The following LRRC71 variants were observed in gnomAD, a reference collection of about 807,000 sequenced individuals.
LRRC71 encodes the protein leucine rich repeat containing 71.
LRRC71 carries 54 observed loss-of-function variants against 66.6 expected under a neutral mutation model. The observed-to-expected ratio is 0.81, with a 90% CI of 0.65 to 1.02. LRRC71 has a LOEUF of 1.02. LRRC71 is among the 50% of genes least tolerant of loss of function. LRRC71 has a pLI of 0.00. For synonymous variants in LRRC71, 323 were observed against 303.9 expected (o/e 1.06, Z -0.65); for missense variants, 724 against 718.0 (o/e 1.01, Z -0.10).
In LRRC71 at chr1:156,927,529, C is replaced by T. The variant is rs1441972953; in HGVS notation, c.696C>T (p.Ile232=). The T allele has an allele frequency of 1.3e-6, 2 of 1,549,486 alleles. No homozygotes were observed. Among genetic ancestry groups the T allele is most frequent in the African/African-American group, 1.4e-5 (1 of 73,050 alleles). Residue 232 remains isoleucine (I), a synonymous_variant, in exon 7 of 15, where the codon ATC becomes ATT. Transcript: ENST00000337428. ...IAHLSLRNNN[I]DDRGAQLLGQ... ...ACTTGTCTCTGCGGAACAATAACATCGACGACCGCGGGGCGCAACTCCTGG... is the reference window on the plus strand; with the variant it reads ...ACTTGTCTCTGCGGAACAATAACATTGACGACCGCGGGGCGCAACTCCTGG...
chr1:156,940,096 A>C, the LRRC71 span: 1 of 1,419,184 alleles, frequency 7.0e-7, no homozygotes, highest in African/African-American at 1.4e-5. Flanking sequence ...ATCTCTCCTC[A>C]AGCACACCAG....
chr1:156,932,642 CAAGG>C, intron 14 of LRRC71, 97 bp downstream of exon 14: 1 of 1,612,702 alleles, frequency 6.2e-7, no homozygotes, highest in Non-Finnish European at 8.5e-7. Flanking sequence ...TCCCCATTTC[CAAGG>C]AAGGTCTGTA....
Position 156,924,287 on chromosome 1 carries a change from G to A in LRRC71, c.311-137G>A, listed in dbSNP as rs1033784465. ...TTTCCAACCCAGCAGAGGCGCGAGTGGCCGGAGAGGCAGAGTCCGCAGGCC... is the reference window on the plus strand; with the variant it reads ...TTTCCAACCCAGCAGAGGCGCGAGTAGCCGGAGAGGCAGAGTCCGCAGGCC... On this transcript the variant is annotated intron_variant, in intron 2 of 14. Transcript: ENST00000337428. 25 of 1,335,760 alleles carry A rather than the reference G, an allele frequency of 1.9e-5. No individual in the cohort carries two copies. In the Admixed American group the frequency reaches 5.0e-4, roughly 27 times the overall value. 82.7% of individuals were successfully genotyped at this position (1,335,760 alleles called of 1,614,324 possible). A position where few individuals can be genotyped will look rare whatever the true frequency, so the allele number is the denominator to read the frequency against.
At chr1:156,929,793 T>C (rs958276893) in intron 11 of LRRC71, 64 bp downstream of exon 11, 1 of 1,392,846 alleles carries the variant, frequency 7.2e-7, no homozygotes, top group Non-Finnish European at 9.8e-7. Flanking sequence ...CCGGGCCGGG[T>C]GCAGGAAGCT....
At chr1:156,930,060 T>TTCTTTCTTTTTCTTTCTTTCTCTTTC (rs746194831) in intron 11 of LRRC71, among the ~76,000 whole-genome samples, 1 of 126,182 alleles carries the variant, frequency 7.9e-6, no homozygotes, top group Non-Finnish European at 1.6e-5. Context: ...CTTTCTTTCT[T>TTCTTTCTTTTTCTTTCTTTCTCTTTC]TTTCTTTCTT....
chr1:156,938,525 C>A, the LRRC71 span: 1 of 1,602,052 alleles, frequency 6.2e-7, no homozygotes. Flanking sequence ...TGCACCGACA[C>A]CACCACCACC....
At chr1:156,928,181 C>G (rs1429672704) in intron 9 of LRRC71, among the ~76,000 whole-genome samples, 177 bp downstream of exon 9, 3 of 152,208 alleles carry the variant, frequency 2.0e-5, no homozygotes, top group African/African-American at 7.2e-5. Context: ...TGGGGGGGCT[C>G]TAATTGCAGA....
chr1:156,923,959 G>C lies in LRRC71; in HGVS notation c.171G>C (p.Gln57His). ...EEEPKSPEEY[Q>H]CSGVLETDFA... ...TGCCTGCCCCCGCAGAGGAGTACCA[G>C]TGCTCCGGGGTCCTCGAGACCGACT... The change falls in exon 2 of 15, where the codon CAG (glutamine) becomes CAC (histidine). Residue 57 changes from glutamine to histidine, a missense_variant. By Grantham distance (24) the Gln-to-His change is conservative (BLOSUM62 0). Transcript: ENST00000337428. 1 of 1,518,688 alleles carries C rather than the reference G, an allele frequency of 6.6e-7. No individual in the cohort carries two copies. Among genetic ancestry groups the C allele is most frequent in the Non-Finnish European group, 8.9e-7 (1 of 1,129,912 alleles). The allele number at this position is 1,518,688 out of a possible 1,614,324, so 94.1% of individuals were successfully genotyped here.
chr1:156,936,940 C>A (rs369823751), downstream of LRRC71: 7 of 1,614,088 alleles, frequency 4.3e-6, no homozygotes, highest in East Asian at 2.2e-5. Context: ...TGCCCACAGG[C>A]GTGGTGCCAC....
chr1:156,930,044 C>CTTCT (rs1553189668), intron 11 of LRRC71, among the ~76,000 whole-genome samples: 1 of 127,906 alleles, frequency 7.8e-6, no homozygotes, highest in Non-Finnish European at 1.6e-5. Context: ...TTCTTTCTTT[C>CTTCT]TCTTTCTTTC....
rs547348103 is a variant in LRRC71 at position 156,927,665 on chromosome 1, C to T, written c.822+10C>T. 6.3e-5 allele frequency: 101 copies of T among 1,606,472 alleles called. No homozygotes were observed. The highest frequency in any genetic ancestry group is 8.0e-5 in the African/African-American group (6 of 75,010). On this transcript the variant is annotated intron_variant, in intron 7 of 14. Coordinates refer to ENST00000337428, the MANE Select transcript of LRRC71 (RefSeq NM_144702.3). ...AGGCTACATCGCGGACGTGAGTGCA[C>T]GGCGGGGAGGGACCTGCTGGGAGCA...
chr1:156,925,089 A>C, intron 5 of LRRC71, 74 bp downstream of exon 5: 1 of 1,426,074 alleles, frequency 7.0e-7, no homozygotes, highest in Non-Finnish European at 9.6e-7. Context: ...CAGTGTGGGG[A>C]TGGAAGTGGC....
chr1:156,932,576 C>G, intron 14 of LRRC71, 31 bp downstream of exon 14: 1 of 1,613,982 alleles, frequency 6.2e-7, no homozygotes, highest in South Asian at 1.1e-5. Flanking sequence ...CCTGCTGAAG[C>G]AGACGTTGCC....
chr1:156,927,414 C>G (rs1478019446), intron 6 of LRRC71, 82 bp from the exon 7 acceptor site: 6 of 1,513,672 alleles, frequency 4.0e-6, no homozygotes, highest in South Asian at 2.6e-5. Flanking sequence ...AGACCGCCCC[C>G]TCAAGCGCTC....
At chr1:156,928,529 CTT>C (rs1653763081) in intron 9 of LRRC71, among the ~76,000 whole-genome samples, 1 of 132,988 alleles carries the variant, frequency 7.5e-6, no homozygotes, top group African/African-American at 3.4e-5. Flanking sequence ...TCTTCCTCTT[CTT>C]CTTCTTCTTC....
intron 9 of LRRC71, among the ~76,000 whole-genome samples, chr1:156,928,402 T>C (rs1051056019): frequency 5.8e-4 from 80 of 136,902 alleles, no homozygotes; most frequent in Middle Eastern, 3.5e-3. Context: ...CTTCTTCTTC[T>C]TCTTCCTCTT....
At chr1:156,922,316 C>T (rs1652513798) in intron 1 of LRRC71, among the ~76,000 whole-genome samples, 1 of 152,040 alleles carries the variant, frequency 6.6e-6, no homozygotes, top group African/African-American at 2.4e-5. Context: ...CCTGAGCAGC[C>T]AGCAGAGAGG....
rs577550216 is a variant in LRRC71 at position 156,922,303 on chromosome 1, A to G, written c.160+1340A>G. 1.1e-3 allele frequency among the ~76,000 whole-genome samples: 165 copies of G among 152,220 alleles called. 1 individual carries two copies. Among genetic ancestry groups the G allele is most frequent in the African/African-American group, 3.9e-3 (162 of 41,536 alleles). On this transcript the variant is annotated intron_variant, in intron 1 of 14. Transcript: ENST00000337428. ...TTACAGGTTGTAGAGGATGGCAGGG[A>G]AACCTGAGCAGCCAGCAGAGAGGTA...
intron 11 of LRRC71, among the ~76,000 whole-genome samples, chr1:156,930,076 CTTTT>C (rs1197758107): frequency 2.4e-5 from 1 of 42,504 alleles, no homozygotes; most frequent in East Asian, 1.0e-3. Flanking sequence ...TTCTTTCTTT[CTTTT>C]CTTTCTTTCT....
Sources: gnomAD v4.1 joint callset for allele counts (sites outside exome capture counted in the v4.1 genomes callset) on GRCh38, gnomAD v4.1.1 for gene constraint, MANE v1.5 for transcripts, NCBI Gene and HGNC (gene_info 2026-07-23, HGNC 2026-07-21) for gene names.